ANO4: variants seen among roughly 807,000 people sequenced by gnomAD.
The protein encoded by ANO4 is anoctamin 4.
Under a neutral mutation model 141.9 loss-of-function variants are expected in ANO4, and 69 were observed. The observed-to-expected ratio is 0.49, with a 90% CI of 0.40 to 0.59. The LOEUF is 0.59. ANO4 is among the 20% of genes least tolerant of loss of function. The probability of loss-of-function intolerance (pLI) is 0.00; values close to 1 mark genes in which losing one functional copy is unlikely to be tolerated. For synonymous variants in ANO4, 350 were observed against 394.3 expected (o/e 0.89, Z 1.33); for missense variants, 894 against 1,162.2 (o/e 0.77, Z 3.36).
intron 2 of ANO4, among the ~76,000 whole-genome samples, chr12:100,918,476 A>G (rs1251791301): frequency 6.6e-6 from 1 of 152,196 alleles, no homozygotes; most frequent in Admixed American, 6.6e-5. Flanking sequence ...ATAAATGGGT[A>G]TGTTTTTTAA....
At chr12:100,955,641 T>C (rs1037943389) in intron 5 of ANO4, among the ~76,000 whole-genome samples, 7 of 152,182 alleles carry the variant, frequency 4.6e-5, no homozygotes, top group Admixed American at 6.5e-5. Context: ...TGCCACAATA[T>C]GCTCAGCGTA....
At chr12:101,038,380 G>GT (rs1566160618) in intron 10 of ANO4, 1 of 143,030 alleles carries the variant, frequency 7.0e-6, no homozygotes, top group Non-Finnish European at 1.5e-5. Context: ...GTCTGATATG[G>GT]TAAGTGGCAG....
chr12:100,953,716 A>G (rs79487602), intron 5 of ANO4, among the ~76,000 whole-genome samples: 2 of 152,214 alleles, frequency 1.3e-5, no homozygotes, highest in East Asian at 3.8e-4. Flanking sequence ...AAAAATCTCT[A>G]TGATAATGGG....
intron 14 of ANO4, among the ~76,000 whole-genome samples, chr12:101,071,301 C>T (rs941995985): frequency 2.1e-4 from 31 of 149,062 alleles, no homozygotes; most frequent in Admixed American, 1.4e-3. Flanking sequence ...ATAAAGAAAA[C>T]GTGGCACTTA....
chr12:100,939,627 C>T (rs1360828779), intron 4 of ANO4, among the ~76,000 whole-genome samples, 176 bp downstream of exon 4: 5 of 152,144 alleles, frequency 3.3e-5, no homozygotes, highest in Non-Finnish European at 7.3e-5. Context: ...TTCAAGGATC[C>T]TAAATCTACC....
intron 1 of ANO4, among the ~76,000 whole-genome samples, chr12:100,845,492 C>T (rs1017094391): frequency 1.3e-5 from 2 of 152,188 alleles, no homozygotes; most frequent in African/African-American, 4.8e-5. Flanking sequence ...CCATCCATGA[C>T]TGAAACTTGC....
chr12:100,787,364 C>T (rs1175728494), intron 3 of ANO4, among the ~76,000 whole-genome samples: 3 of 152,146 alleles, frequency 2.0e-5, no homozygotes, highest in Admixed American at 2.0e-4. Flanking sequence ...AAGTTTTCAA[C>T]AGCTTGGTGA....
intron 14 of ANO4, chr12:101,068,420 G>T (rs561228305): frequency 4.4e-5 from 41 of 927,840 alleles, no homozygotes; most frequent in Non-Finnish European, 7.4e-5. Context: ...TGAGTATCTC[G>T]CTGTTTTTAA....
At chr12:101,023,613 G>A (rs553269597) in intron 9 of ANO4, among the ~76,000 whole-genome samples, 7 of 152,328 alleles carry the variant, frequency 4.6e-5, no homozygotes, top group African/African-American at 1.2e-4. Context: ...GCGGCAGTGA[G>A]CTGAGATTGT....
At chr12:101,075,743 A>G (rs984963027) in intron 14 of ANO4, among the ~76,000 whole-genome samples, 3 of 147,222 alleles carry the variant, frequency 2.0e-5, no homozygotes, top group African/African-American at 7.4e-5. Flanking sequence ...ATATATATAT[A>G]TAACAAAAAT....
chr12:101,067,027 G>C, intron 14 of ANO4: 1 of 539,248 alleles, frequency 1.9e-6, no homozygotes, highest in Non-Finnish European at 3.3e-6. Context: ...AGAAAGAACA[G>C]ACCATGCTGG....
At chr12:101,042,547 T>C in intron 12 of ANO4, 79 bp downstream of exon 12, 2 of 1,560,288 alleles carry the variant, frequency 1.3e-6, no homozygotes, top group Non-Finnish European at 1.7e-6. Flanking sequence ...TATTCACAGA[T>C]TGTGGAGACA....
chr12:100,733,746 A>G (rs2031487961), intron 1 of ANO4: 1 of 694,826 alleles, frequency 1.4e-6, no homozygotes, highest in Non-Finnish European at 2.6e-6. Flanking sequence ...GTTATAATTA[A>G]CCTTCTTGTC....
chr12:100,960,457 A>G (rs562067030), intron 5 of ANO4, among the ~76,000 whole-genome samples: 2 of 152,242 alleles, frequency 1.3e-5, no homozygotes, highest in African/African-American at 4.8e-5. Context: ...GTGCCCTGTA[A>G]CATCCTCTAA....
intron 1 of ANO4, among the ~76,000 whole-genome samples, chr12:100,810,774 G>A (rs2035375627): frequency 6.6e-6 from 1 of 152,118 alleles, no homozygotes; most frequent in Non-Finnish European, 1.5e-5. Flanking sequence ...AGGGAGATGA[G>A]GGAAGTATAG....
intron 1 of ANO4, among the ~76,000 whole-genome samples, chr12:100,725,594 C>T (rs2031081202): frequency 6.6e-6 from 1 of 152,142 alleles, no homozygotes; most frequent in African/African-American, 2.4e-5. Context: ...GATCCACCCG[C>T]CTCGGCCTCC....
intron 1 of ANO4, among the ~76,000 whole-genome samples, chr12:100,883,669 A>G (rs1475746226): frequency 6.6e-6 from 1 of 152,150 alleles, no homozygotes; most frequent in Non-Finnish European, 1.5e-5. Flanking sequence ...GCAAAATGTG[A>G]TAGTGTAGGC....
chr12:101,086,043 C>A (rs2049479176), intron 16 of ANO4, among the ~76,000 whole-genome samples: 2 of 148,012 alleles, frequency 1.4e-5, no homozygotes, highest in Admixed American at 6.8e-5. Context: ...GGTGTTTGAG[C>A]TGAGAAGTGA....
At chr12:100,915,212 T>G (rs559534826) in intron 2 of ANO4, among the ~76,000 whole-genome samples, 1 of 152,278 alleles carries the variant, frequency 6.6e-6, no homozygotes, top group South Asian at 2.1e-4. Context: ...ACTCCCAGTT[T>G]AGAAAATGGG....
Sources: allele counts gnomAD v4.1 joint callset (sites outside exome capture counted in the v4.1 genomes callset), GRCh38; gene constraint gnomAD v4.1.1; transcripts MANE v1.5; gene names NCBI Gene and HGNC (gene_info 2026-07-23, HGNC 2026-07-21).